The following TMEM42 variants were observed in gnomAD, a reference collection of about 807,000 sequenced individuals.
The protein encoded by TMEM42 is transmembrane protein 42.
TMEM42 carries 8 observed loss-of-function variants against 14.0 expected under a neutral mutation model. The ratio of observed to expected loss-of-function variants is 0.57; its 90% CI spans 0.34 to 1.03. The LOEUF (loss-of-function observed/expected upper bound fraction) is 1.03. TMEM42 is among the 50% of genes least tolerant of loss of function. TMEM42 has a pLI of 0.03. For missense variants in TMEM42, 211 were observed against 219.8 expected (o/e 0.96, Z 0.25); for synonymous variants, 115 against 94.3 (o/e 1.22, Z -1.27).
At chr3:44,862,971 A>G (rs1268656043) in intron 1 of TMEM42, 2 of 152,062 alleles carry the variant, frequency 1.3e-5, no homozygotes, top group Non-Finnish European at 2.9e-5. Context: ...GTTGTCAGGA[A>G]CTAGACCTTC....
intron 2 of TMEM42, among the ~76,000 whole-genome samples, chr3:44,864,655 G>A (rs2125740347): frequency 6.6e-6 from 1 of 152,218 alleles, no homozygotes; most frequent in South Asian, 2.1e-4. Context: ...TGTACTCAAG[G>A]CTCCATGGCA....
Position 44,862,111 on chromosome 3 carries a change from A to G in TMEM42, c.187A>G (p.Ser63Gly), listed in dbSNP as rs1236188249. The change falls in exon 1 of 3, where the codon AGC (serine) becomes GGC (glycine). Residue 63 changes from serine (S) to glycine (G), a missense_variant. Ser to Gly is a moderately conservative substitution (Grantham distance 56). Coordinates refer to ENST00000302392, the MANE Select transcript of TMEM42 (RefSeq NM_144638.3). The part of the protein sequence containing the change: ...AAASAKLAFG[S>G]EVSMGLCVLG... ...CGCCTCCGCCAAGCTGGCCTTCGGC[A>G]GCGAGGTCGAGCCCGGGGCGCTGTT... is the stretch of plus-strand genomic sequence containing the variant. 6 of 1,063,206 alleles carry G rather than the reference A, an allele frequency of 5.6e-6. No homozygotes were observed. The highest frequency in any genetic ancestry group is 6.8e-6 in the Non-Finnish European group (6 of 876,518). The allele number at this position is 1,063,206 out of a possible 1,614,324, so 65.9% of individuals were successfully genotyped here.
rs1179568835 is a variant in TMEM42, at chr3:44,862,095, C to T, written c.171C>T (p.Ala57=). The change falls in exon 1 of 3, where the codon GCC becomes GCT. Residue 57 remains alanine (A), a synonymous_variant. Coordinates refer to ENST00000302392, the MANE Select transcript of TMEM42 (RefSeq NM_144638.3). ...TCGGGGCCCTGGCCGCCGCCTCCGCCAAGCTGGCCTTCGGCAGCGAGGTCG... is the reference window on the plus strand; with the variant it reads ...TCGGGGCCCTGGCCGCCGCCTCCGCTAAGCTGGCCTTCGGCAGCGAGGTCG... ...GAFGALAAAS[A]KLAFGSEVSM... 8.0e-7 allele frequency: 1 copy of T among 1,254,764 alleles called. No homozygotes were observed. Among genetic ancestry groups the T allele is most frequent in the Non-Finnish European group, 1.0e-6 (1 of 992,870 alleles). 77.7% of individuals were successfully genotyped at this position (1,254,764 alleles called of 1,614,324 possible). A position where few individuals can be genotyped will look rare whatever the true frequency, so the allele number is the denominator to read the frequency against.
intron 1 of TMEM42, 48 bp from the exon 2 acceptor site, chr3:44,864,149 G>A: frequency 6.2e-7 from 1 of 1,610,332 alleles, no homozygotes; most frequent in South Asian, 1.1e-5. Context: ...GGGGTCTGCA[G>A]GTTGCTGCCC....
intron 1 of TMEM42, chr3:44,863,799 A>C: frequency 5.2e-6 from 1 of 191,996 alleles, no homozygotes; most frequent in Non-Finnish European, 1.1e-5. Flanking sequence ...ATCTCAAGAA[A>C]TAAGAACTCT....
chr3:44,862,154 C>CGGGG, intron 1 of TMEM42, 38 bp downstream of exon 1: 1 of 68,026 alleles, frequency 1.5e-5, no homozygotes, highest in Non-Finnish European at 2.7e-5. Flanking sequence ...CTGCTGCGGG[C>CGGGG]GGGCGGGCGG....
rs10429 is a variant in TMEM42, at chr3:44,865,254, A to G, written c.*74A>G. 0.71 allele frequency: 1,135,710 copies of G among 1,597,666 alleles called. 408,708 individuals are homozygous for G. The highest frequency in any genetic ancestry group is 1 in the East Asian group (44,597 of 44,620). ...GCCTTGGGATGTCATGTGGGACTGT[A>G]TCCTAGGGCGATCCAGTTGTGCAGC... is the stretch of plus-strand genomic sequence containing the variant. On this transcript the variant is annotated 3_prime_UTR_variant, in exon 3 of 3. Transcript: ENST00000302392.
In TMEM42 at chr3:44,862,011, G is replaced by A. The variant is rs1172411591; in HGVS notation, c.87G>A (p.Gln29=). ...CCGCGGAATTCCCTCCGCACCTCCA[G>A]GCGGGTGCGATGCGGCGCCGCTTTT... is the stretch of plus-strand genomic sequence containing the variant. ...DTPAEFPPHL[Q]AGAMRRRFWG... is the part of the protein sequence containing the mutation. The change falls in exon 1 of 3, where the codon CAG becomes CAA. Residue 29 remains glutamine, a synonymous_variant. Coordinates refer to ENST00000302392, the MANE Select transcript of TMEM42 (RefSeq NM_144638.3). The A allele has an allele frequency of 2.8e-5, 38 of 1,381,514 alleles. No homozygotes were observed. The highest frequency in any genetic ancestry group is 2.0e-4 in the Middle Eastern group (1 of 4,984). 85.6% of individuals were successfully genotyped at this position (1,381,514 alleles called of 1,614,324 possible).
In TMEM42 at chr3:44,862,072, G is replaced by A. The variant is rs763501760; in HGVS notation, c.148G>A (p.Gly50Arg). The change falls in exon 1 of 3, where the codon GGG (glycine) becomes AGG (arginine). Residue 50 changes from glycine (G) to arginine (R), a missense_variant. Transcript: ENST00000302392. ...VFNCLCAGAF[G>R]ALAAASAKLA... ...CAACTGTCTGTGCGCCGGCGCGTTC[G>A]GGGCCCTGGCCGCCGCCTCCGCCAA... 2.3e-6 allele frequency: 3 copies of A among 1,313,296 alleles called. No homozygotes were observed. In the Admixed American group the frequency reaches 1.0e-4, roughly 45 times the overall value. The allele number at this position is 1,313,296 out of a possible 1,614,324, so 81.4% of individuals were successfully genotyped here.
Position 44,861,930 on chromosome 3 carries a change from C to G in TMEM42, c.6C>G (p.Ala2=). Residue 2 remains alanine (A), a synonymous_variant, in exon 1 of 3, where the codon GCC becomes GCG. Coordinates refer to ENST00000302392, the MANE Select transcript of TMEM42 (RefSeq NM_144638.3). The stretch of plus-strand genomic sequence containing the variant: ...GCACGGTGTCAGCAGGCAACATGGC[C>G]GAGAGGCCGGGGCCTCCGGGCGGCG... The part of the protein sequence containing the change: M[A]ERPGPPGGAV... 6.9e-7 allele frequency: 1 copy of G among 1,443,214 alleles called. No individual in the cohort carries two copies. The allele number at this position is 1,443,214 out of a possible 1,614,324, so 89.4% of individuals were successfully genotyped here.
Position 44,865,321 on chromosome 3 carries a change from A to C in TMEM42, c.*141A>C. 8.8e-7 allele frequency: 1 copy of C among 1,130,878 alleles called. No individual in the cohort carries two copies. The highest frequency in any genetic ancestry group is 1.3e-6 in the Non-Finnish European group (1 of 786,378). The allele number at this position is 1,130,878 out of a possible 1,614,324, so 70.1% of individuals were successfully genotyped here. ...AAGGGAAGCAGGCCTCTGATGGAGC[A>C]GGCTCTGGCTCTGTAAGGAGAGGTG... On this transcript the variant is annotated 3_prime_UTR_variant, in exon 3 of 3. Transcript: ENST00000302392.
chr3:44,862,145 TGCTGCGG>T, intron 1 of TMEM42, 29 bp downstream of exon 1: 5 of 139,592 alleles, frequency 3.6e-5, no homozygotes, highest in Non-Finnish European at 7.1e-5. Context: ...TTGGTGCTGC[TGCTGCGG>T]GCGGGCGGGC....
chr3:44,864,161 G>C, intron 1 of TMEM42, 36 bp from the exon 2 acceptor site: 2 of 1,612,186 alleles, frequency 1.2e-6, no homozygotes, highest in Non-Finnish European at 1.7e-6. Flanking sequence ...TTGCTGCCCA[G>C]GGTGGACGTG....
intron 1 of TMEM42, chr3:44,863,077 ACATG>A (rs1160946318): frequency 6.6e-6 from 1 of 151,998 alleles, no homozygotes; most frequent in African/African-American, 2.4e-5. Flanking sequence ...CAAATTTAAA[ACATG>A]AATTTTTTTG....
chr3:44,865,456 G>A lies in TMEM42; in HGVS notation c.*276G>A, dbSNP rs1456004762. 2.2e-6 allele frequency: 1 copy of A among 448,916 alleles called. No individual in the cohort carries two copies. The highest frequency in any genetic ancestry group is 1.9e-5 in the African/African-American group (1 of 51,766). The allele number at this position is 448,916 out of a possible 1,614,324, so 27.8% of individuals were successfully genotyped here. A position where few individuals can be genotyped will look rare whatever the true frequency, so the allele number is the denominator to read the frequency against. On this transcript the variant is annotated 3_prime_UTR_variant, in exon 3 of 3. Transcript: ENST00000302392. ...CTTCGCAGATGCTGGAGATCCTGGG[G>A]TTGGTCTGCTTTGTGTATGGTACTT...
chr3:44,862,158 C>A (rs1024393460), intron 1 of TMEM42, 42 bp downstream of exon 1: 32 of 61,084 alleles, frequency 5.2e-4, no homozygotes, highest in Admixed American at 7.5e-4. Flanking sequence ...TGCGGGCGGG[C>A]GGGCGGGGCG....
Position 44,865,124 on chromosome 3 carries a change from C to G in TMEM42, c.424C>G (p.Leu142Val), listed in dbSNP as rs1471853995. 3 of 1,614,062 alleles carry G rather than the reference C, an allele frequency of 1.9e-6. No homozygotes were observed. The highest frequency in any genetic ancestry group is 1.7e-5 in the Admixed American group (1 of 59,998). ...GVFLILCGLT[L>V]IHRKLPPTWK... Reference sequence around the variant, plus strand: ...GTTCCTTATTCTCTGCGGACTCACCCTAATCCACAGGAAGCTCCCACCCAC... The same window carrying G: ...GTTCCTTATTCTCTGCGGACTCACCGTAATCCACAGGAAGCTCCCACCCAC... The change falls in exon 3 of 3, where the codon CTA (leucine) becomes GTA (valine). Residue 142 changes from leucine (L) to valine (V), a missense_variant. By Grantham distance (32) the Leu-to-Val change is conservative. Transcript: ENST00000302392.
Position 44,861,984 on chromosome 3 carries a change from C to G in TMEM42, c.60C>G (p.Thr20=). The G allele has an allele frequency of 7.2e-7, 1 of 1,383,778 alleles. No homozygotes were observed. The highest frequency in any genetic ancestry group is 1.5e-5 in the African/African-American group (1 of 65,860). 85.7% of individuals were successfully genotyped at this position (1,383,778 alleles called of 1,614,324 possible). A position where few individuals can be genotyped will look rare whatever the true frequency, so the allele number is the denominator to read the frequency against. The change falls in exon 1 of 3, where the codon ACC becomes ACG. Residue 20 remains threonine (T), a synonymous_variant. Coordinates refer to ENST00000302392, the MANE Select transcript of TMEM42 (RefSeq NM_144638.3). The part of the protein sequence containing the change: ...GAVSATAYPD[T]PAEFPPHLQA... Reference sequence around the variant, plus strand: ...TGTCCGCGACCGCGTACCCTGACACCCCCGCGGAATTCCCTCCGCACCTCC... The same window carrying G: ...TGTCCGCGACCGCGTACCCTGACACGCCCGCGGAATTCCCTCCGCACCTCC...
chr3:44,864,846 G>T (rs1455773147), intron 2 of TMEM42, among the ~76,000 whole-genome samples, 194 bp from the exon 3 acceptor site: 1 of 152,152 alleles, frequency 6.6e-6, no homozygotes, highest in African/African-American at 2.4e-5. Flanking sequence ...GTGCAGTGAG[G>T]GAGGTAGCCT....
Sources: gnomAD v4.1 joint callset for allele counts (sites outside exome capture counted in the v4.1 genomes callset) on GRCh38, gnomAD v4.1.1 for gene constraint, MANE v1.5 for transcripts, NCBI Gene and HGNC (gene_info 2026-07-23, HGNC 2026-07-21) for gene names.